Variants in LMF1 observed in about 807,000 individuals in gnomAD.
LMF1 encodes lipase maturation factor 1.
In LMF1, 68 loss-of-function variants were observed where a neutral mutation model predicts 60.6. The ratio of observed to expected loss-of-function variants is 1.12; its 90% confidence interval spans 0.92 to 1.37. The LOEUF (loss-of-function observed/expected upper bound fraction) is 1.37, where lower values mean the gene tolerates loss of function less well. Among genes scored for constraint, LMF1 ranks in the 40% most tolerant of loss-of-function variants. LMF1 has a pLI of 0.00. For missense variants in LMF1, 948 were observed against 767.2 expected (o/e 1.24, Z -2.78); for synonymous variants, 418 against 324.7 (o/e 1.29, Z -3.09).
chr16:876,950 A>C (rs1483501858), intron 6 of LMF1, among the ~76,000 whole-genome samples: 1 of 152,228 alleles, frequency 6.6e-6, no homozygotes, highest in African/African-American at 2.4e-5. Flanking sequence ...GTCAGTTGAG[A>C]TATACGGGCC....
At chr16:877,491 G>C (rs1231628905) in intron 6 of LMF1, among the ~76,000 whole-genome samples, 1 of 152,206 alleles carries the variant, frequency 6.6e-6, no homozygotes, top group African/African-American at 2.4e-5. Flanking sequence ...TTCTGGGAAT[G>C]TGAACTTGCT....
intron 2 of LMF1, 125 bp from the exon 3 acceptor site, chr16:934,379 G>T: frequency 1.7e-6 from 2 of 1,208,718 alleles, no homozygotes; most frequent in Non-Finnish European, 2.4e-6. Context: ...GAAGCCCTGC[G>T]AGGAGGACCT....
rs1485049252 is a variant in LMF1, at chr16:878,349, G to A, written c.897+1221C>T. 2.0e-5 allele frequency among the ~76,000 whole-genome samples: 3 copies of A among 152,128 alleles called. No homozygotes were observed. The highest frequency in any genetic ancestry group is 2.9e-5 in the Non-Finnish European group (2 of 68,028). ...CCAAGCAGCTAACGCGGAAAAGCCC[G>A]AGGGAGTCAGGAGCTGCTCAGGGCC... On this transcript the variant is annotated intron_variant, in intron 6 of 10. Transcript: ENST00000262301. The surrounding 1 kb of genome is among the most constrained non-coding windows in gnomAD (Gnocchi z 5.2).
At chr16:894,004 C>T (rs1016842629) in intron 4 of LMF1, among the ~76,000 whole-genome samples, 9 of 147,560 alleles carry the variant, frequency 6.1e-5, no homozygotes, top group African/African-American at 2.2e-4. Flanking sequence ...CCACTGTCCA[C>T]CCACCCGTCC....
At chr16:866,021 T>A (rs2069600011) in intron 10 of LMF1, among the ~76,000 whole-genome samples, 1 of 152,258 alleles carries the variant, frequency 6.6e-6, no homozygotes, top group African/African-American at 2.4e-5. Context: ...TTTTTATCAG[T>A]TGTGTTCATA....
chr16:862,511 T>C (rs1429210596), intron 10 of LMF1, among the ~76,000 whole-genome samples: 2 of 152,208 alleles, frequency 1.3e-5, no homozygotes, highest in Non-Finnish European at 2.9e-5. Context: ...TGTAATATTA[T>C]TTTCTTGTAT....
intron 2 of LMF1, among the ~76,000 whole-genome samples, chr16:952,406 G>A (rs1313982111): frequency 2.0e-5 from 3 of 152,064 alleles, no homozygotes; most frequent in East Asian, 1.9e-4. Flanking sequence ...AGCAATCTGA[G>A]CCTCCGACCA....
chr16:912,751 A>G (rs1398088068), intron 3 of LMF1, among the ~76,000 whole-genome samples: 1 of 152,174 alleles, frequency 6.6e-6, no homozygotes, highest in Non-Finnish European at 1.5e-5. Flanking sequence ...CCTGGGAAGA[A>G]AAGGGTTGCC....
chr16:969,176 A>C (rs1260442248), intron 1 of LMF1, among the ~76,000 whole-genome samples: 1 of 152,124 alleles, frequency 6.6e-6, no homozygotes, highest in Non-Finnish European at 1.5e-5. Flanking sequence ...TTAGTCAGGC[A>C]TGGTGGTGCG....
At chr16:951,761 C>T (rs2072475700) in intron 2 of LMF1, among the ~76,000 whole-genome samples, 3 of 152,218 alleles carry the variant, frequency 2.0e-5, no homozygotes, top group African/African-American at 7.2e-5. Flanking sequence ...CCTCACACCT[C>T]CAGTGAAGAC....
chr16:855,344 G>A (rs560724711), intron 10 of LMF1: 31 of 285,904 alleles, frequency 1.1e-4, no homozygotes, highest in African/African-American at 6.2e-4. Context: ...CATCTCCCCT[G>A]GAGCAGGGTA....
At chr16:863,422 A>G (rs1428931110) in intron 10 of LMF1, among the ~76,000 whole-genome samples, 2 of 151,290 alleles carry the variant, frequency 1.3e-5, no homozygotes, top group Non-Finnish European at 2.9e-5. Flanking sequence ...GATTTCAGGC[A>G]TGAGCCACCA....
chr16:973,199 G>C (rs1170980742), upstream of LMF1, among the ~76,000 whole-genome samples: 1 of 152,100 alleles, frequency 6.6e-6, no homozygotes. Context: ...AAAAAAATTA[G>C]CCAGGTGTGG....
chr16:909,460 C>T lies in LMF1; in HGVS notation c.663+1471G>A, dbSNP rs149427989. On this transcript the variant is annotated intron_variant, in intron 4 of 10. Transcript: ENST00000262301. ...CACAGAACCACGCTATGCGCTACAG[C>T]GAGCCACGCCACACAGAACCACGCT... 2.7e-3 allele frequency among the ~76,000 whole-genome samples: 418 copies of T among 152,098 alleles called. 2 individuals are homozygous for T. Among genetic ancestry groups the T allele is most frequent in the Non-Finnish European group, 4.8e-3 (329 of 67,976 alleles).
At position 951,042 on chromosome 16, in the gene LMF1, CAG is replaced by C. The variant is rs2072447375; in HGVS notation, c.503+3313_503+3314del. On this transcript the variant is annotated intron_variant, in intron 2 of 10. Transcript: ENST00000262301. ...CCAACGACAGAGTCAGAGCCAATGA[CAG>C]AGTCAGCCAATGACAGAGTCAGCCG... Among the ~76,000 whole-genome samples the C allele has an allele frequency of 1.9e-5, 2 of 106,656 alleles. 1 individual carries two copies. The highest frequency in any genetic ancestry group is 3.5e-5 in the Non-Finnish European group (2 of 56,668). The allele number at this position is 106,656 out of a possible 152,430, so 70.0% of individuals were successfully genotyped here. A position where few individuals can be genotyped will look rare whatever the true frequency, so the allele number is the denominator to read the frequency against.
chr16:947,667 G>A, intron 2 of LMF1: 1 of 448,032 alleles, frequency 2.2e-6, no homozygotes. Flanking sequence ...GGTCGAGACA[G>A]TGGGGAAGGG....
intron 5 of LMF1, among the ~76,000 whole-genome samples, chr16:889,547 G>A (rs1188497598): frequency 6.6e-6 from 1 of 152,274 alleles, no homozygotes; most frequent in East Asian, 1.9e-4. Flanking sequence ...ACTTCCGGAG[G>A]TTTTCAGGCT....
At chr16:911,524 AGGCAGCACTGGGGGGGCAGCACTGGGGG>A (rs1234746042) in intron 3 of LMF1, among the ~76,000 whole-genome samples, 1 of 90,786 alleles carries the variant, frequency 1.1e-5, no homozygotes, top group Non-Finnish European at 2.1e-5. Context: ...AGCACTGGGG[AGGCAGCACTGGGGGGGCAGCACTGGGGG>A]GGCAGCACTT....
intron 8 of LMF1, 23 bp from the exon 9 acceptor site, chr16:870,089 C>G: frequency 6.3e-7 from 1 of 1,598,140 alleles, no homozygotes; most frequent in Non-Finnish European, 8.5e-7. Flanking sequence ...CGAGGCAGGC[C>G]AGGCCCACGT....
Sources: allele counts gnomAD v4.1 joint callset (sites outside exome capture counted in the v4.1 genomes callset), GRCh38; gene constraint gnomAD v4.1.1; non-coding constraint Gnocchi (gnomAD v3.1); transcripts MANE v1.5; gene names NCBI Gene and HGNC (gene_info 2026-07-23, HGNC 2026-07-21).